The following GLCE variants were observed in gnomAD, a reference collection of about 807,000 sequenced individuals.
The protein encoded by GLCE is D-glucuronyl C5-epimerase.
In GLCE, 19 loss-of-function variants were observed where a neutral mutation model predicts 47.9. The observed-to-expected ratio is 0.40, with a 90% CI of 0.28 to 0.58. GLCE has a LOEUF of 0.58. Among genes scored for constraint, GLCE ranks in the 20% least tolerant of loss-of-function variants. The pLI, the probability that GLCE is intolerant of heterozygous loss-of-function variation, is 0.48. For missense variants in GLCE, 556 were observed against 743.3 expected (o/e 0.75, Z 2.93); for synonymous variants, 245 against 263.4 (o/e 0.93, Z 0.68).
At chr15:69,240,794 A>G (rs1203585129) in intron 2 of GLCE, among the ~76,000 whole-genome samples, 1 of 152,198 alleles carries the variant, frequency 6.6e-6, no homozygotes, top group Non-Finnish European at 1.5e-5. Context: ...GAGATGAAAA[A>G]AGAAAATTTG....
At chr15:69,248,975 G>A (rs1283237305) in intron 2 of GLCE, among the ~76,000 whole-genome samples, 2 of 152,202 alleles carry the variant, frequency 1.3e-5, no homozygotes, top group Non-Finnish European at 2.9e-5. Context: ...TTGCATTCTA[G>A]TGGATTGGGG....
At chr15:69,171,092 A>G (rs2051581352) in intron 1 of GLCE, among the ~76,000 whole-genome samples, 1 of 152,244 alleles carries the variant, frequency 6.6e-6, no homozygotes, top group Non-Finnish European at 1.5e-5. Flanking sequence ...AAATAAAATT[A>G]TTCATTTACT....
intron 2 of GLCE, among the ~76,000 whole-genome samples, chr15:69,214,730 C>A (rs931663551): frequency 6.6e-6 from 1 of 152,142 alleles, no homozygotes; most frequent in African/African-American, 2.4e-5. Context: ...ATTATTCTAG[C>A]ATTTCCCCTT....
chr15:69,173,603 A>G (rs539405043), intron 1 of GLCE, among the ~76,000 whole-genome samples: 1 of 151,694 alleles, frequency 6.6e-6, no homozygotes, highest in Non-Finnish European at 1.5e-5. Context: ...ATTTGAATGG[A>G]GTAAACATTC....
intron 4 of GLCE, among the ~76,000 whole-genome samples, chr15:69,262,945 G>T (rs2053034844): frequency 6.6e-6 from 1 of 152,064 alleles, no homozygotes; most frequent in Non-Finnish European, 1.5e-5. Flanking sequence ...AATATCCTGG[G>T]GATGGGACTC....
intron 2 of GLCE, among the ~76,000 whole-genome samples, chr15:69,244,113 A>G (rs2052715098): frequency 6.6e-6 from 1 of 152,226 alleles, no homozygotes; most frequent in Admixed American, 6.5e-5. Context: ...TATCATAATA[A>G]TTATGACAGA....
intron 1 of GLCE, among the ~76,000 whole-genome samples, chr15:69,170,760 T>G (rs927303344): frequency 6.6e-6 from 1 of 152,216 alleles, no homozygotes; most frequent in African/African-American, 2.4e-5. Flanking sequence ...CTGGCAGTAT[T>G]TGGCGGTAAT....
At chr15:69,180,022 A>T (rs576713753) in intron 1 of GLCE, among the ~76,000 whole-genome samples, 178 of 152,318 alleles carry the variant, frequency 1.2e-3, no homozygotes, top group African/African-American at 4.1e-3. Context: ...AAAAGAACGT[A>T]TTTATTGCTT....
intron 2 of GLCE, among the ~76,000 whole-genome samples, chr15:69,236,723 A>G (rs2140412792): frequency 6.6e-6 from 1 of 152,358 alleles, no homozygotes; most frequent in Non-Finnish European, 1.5e-5. Context: ...TGAGCTAGAT[A>G]GTACTAGTGC....
chr15:69,220,096 C>T (rs1390818955), intron 2 of GLCE, among the ~76,000 whole-genome samples: 3 of 151,980 alleles, frequency 2.0e-5, no homozygotes, highest in Admixed American at 2.0e-4. Context: ...TATGTATATA[C>T]CACATTTTAC....
chr15:69,169,037 T>A (rs1312262577), intron 1 of GLCE, among the ~76,000 whole-genome samples: 3 of 152,226 alleles, frequency 2.0e-5, no homozygotes, highest in Admixed American at 6.5e-5. Flanking sequence ...TTACCACTTT[T>A]CTGATACCCA....
At chr15:69,161,871 A>G (rs541700052) in intron 1 of GLCE, among the ~76,000 whole-genome samples, 20 of 151,056 alleles carry the variant, frequency 1.3e-4, no homozygotes, top group African/African-American at 4.1e-4. Flanking sequence ...GAGCGTGGAT[A>G]CAGCTCCTGA....
chr15:69,187,238 A>C (rs759572234), intron 1 of GLCE, among the ~76,000 whole-genome samples: 5 of 152,152 alleles, frequency 3.3e-5, no homozygotes, highest in Non-Finnish European at 2.9e-5. Context: ...GTCATGTTAG[A>C]CTTGGGGCCA....
At chr15:69,164,605 TG>T (rs1221971597) in intron 1 of GLCE, among the ~76,000 whole-genome samples, 1 of 151,752 alleles carries the variant, frequency 6.6e-6, no homozygotes, top group Non-Finnish European at 1.5e-5. Context: ...AGAGTTTTTG[TG>T]TTGCAAGTCT....
chr15:69,247,454 C>G, intron 2 of GLCE, among the ~76,000 whole-genome samples: 1 of 152,174 alleles, frequency 6.6e-6, no homozygotes, highest in East Asian at 1.9e-4. Context: ...TTAAGACCGC[C>G]AGAATTTTCT....
At chr15:69,252,085 T>C (rs542680883) in intron 2 of GLCE, among the ~76,000 whole-genome samples, 1 of 152,208 alleles carries the variant, frequency 6.6e-6, no homozygotes, top group Non-Finnish European at 1.5e-5. Flanking sequence ...GAAGCCCTGA[T>C]TGTCTTTAGT....
intron 2 of GLCE, among the ~76,000 whole-genome samples, chr15:69,222,189 G>A (rs1184748509): frequency 1.3e-5 from 2 of 152,208 alleles, no homozygotes; most frequent in Admixed American, 1.3e-4. Context: ...GCCCAGGCTG[G>A]GCTAGAGGGG....
chr15:69,234,509 A>G (rs1205587701), intron 2 of GLCE, among the ~76,000 whole-genome samples: 1 of 152,042 alleles, frequency 6.6e-6, no homozygotes, highest in African/African-American at 2.4e-5. Flanking sequence ...CTTAGTTTCA[A>G]CCCTTAGAAA....
At chr15:69,222,342 G>A (rs555031329) in intron 2 of GLCE, among the ~76,000 whole-genome samples, 1 of 152,204 alleles carries the variant, frequency 6.6e-6, no homozygotes. Context: ...GGGTGGTGGA[G>A]GCACCACGGG....
Sources: gnomAD v4.1 joint callset for allele counts (sites outside exome capture counted in the v4.1 genomes callset) on GRCh38, gnomAD v4.1.1 for gene constraint, MANE v1.5 for transcripts, NCBI Gene and HGNC (gene_info 2026-07-23, HGNC 2026-07-21) for gene names.